Variants in LBH observed in about 807,000 individuals in gnomAD.
LBH encodes the protein LBH regulator of Wnt signaling pathway, also known as protein LBH.
Under a neutral mutation model 12.5 loss-of-function variants are expected in LBH, and 7 were observed. The observed-to-expected ratio is 0.56, with a 90% CI of 0.32 to 1.05. The LOEUF is 1.05. LBH is among the 50% of genes least tolerant of loss of function. The probability of loss-of-function intolerance (pLI) is 0.04; values close to 1 mark genes in which losing one functional copy is unlikely to be tolerated. For synonymous variants in LBH, 51 were observed against 50.1 expected, an observed-to-expected ratio of 1.02 and a Z score of -0.08; for missense variants, 119 against 138.9, an observed-to-expected ratio of 0.86 and a Z score of 0.72.
At chr2:30,251,908 T>C (rs1239528188) in intron 2 of LBH, among the ~76,000 whole-genome samples, 21 of 152,170 alleles carry the variant, frequency 1.4e-4, no homozygotes, top group Admixed American at 1.4e-3. Context: ...CAGCAGAGGC[T>C]GTTGGAGCAG....
At chr2:30,254,413 A>C (rs987384298) in intron 2 of LBH, among the ~76,000 whole-genome samples, 5 of 152,166 alleles carry the variant, frequency 3.3e-5, no homozygotes, top group Admixed American at 1.3e-4. Context: ...AGAAAAGCAA[A>C]ACTGTGGATA....
Position 30,253,125 on chromosome 2 carries a change from G to T in LBH, c.130-4308G>T, listed in dbSNP as rs558661298. On this transcript the variant is annotated intron_variant, in intron 2 of 2. Transcript: ENST00000395323. ...CCCCTACCTGTCATGTGCTTGGCAAGTCTGACTCAAGTCCTTTTTTCCACT... is the reference window on the plus strand; with the variant it reads ...CCCCTACCTGTCATGTGCTTGGCAATTCTGACTCAAGTCCTTTTTTCCACT... 1.9e-4 allele frequency among the ~76,000 whole-genome samples: 29 copies of T among 152,312 alleles called. 1 individual carries two copies. Among genetic ancestry groups the T allele is most frequent in the Admixed American group, 1.6e-3 (25 of 15,306 alleles).
chr2:30,245,121 TA>T (rs1677850064), intron 2 of LBH, among the ~76,000 whole-genome samples: 1 of 152,146 alleles, frequency 6.6e-6, no homozygotes, highest in Non-Finnish European at 1.5e-5. Context: ...AGCTAATGAC[TA>T]AAAACTTTCA....
intron 2 of LBH, among the ~76,000 whole-genome samples, chr2:30,247,602 C>T (rs571295690): frequency 7.9e-4 from 120 of 152,280 alleles, no homozygotes; most frequent in African/African-American, 2.5e-3. Flanking sequence ...GTGGCATGAG[C>T]GGCTAGTTCA....
At chr2:30,253,417 G>A (rs1301569070) in intron 2 of LBH, among the ~76,000 whole-genome samples, 1 of 152,106 alleles carries the variant, frequency 6.6e-6, no homozygotes, top group African/African-American at 2.4e-5. Flanking sequence ...GGTATAATCT[G>A]ATAATAAAAT....
At chr2:30,252,009 G>A (rs1677987951) in intron 2 of LBH, among the ~76,000 whole-genome samples, 1 of 152,184 alleles carries the variant, frequency 6.6e-6, no homozygotes, top group East Asian at 1.9e-4. Flanking sequence ...GAGATTCATG[G>A]TGTGTGTAAA....
At chr2:30,244,782 C>T (rs1311851179) in intron 2 of LBH, among the ~76,000 whole-genome samples, 2 of 152,060 alleles carry the variant, frequency 1.3e-5, no homozygotes, top group Non-Finnish European at 2.9e-5. Flanking sequence ...GGTGTGCACC[C>T]GTAGTCCCAG....
At chr2:30,237,684 C>T (rs1306123417) in intron 2 of LBH, among the ~76,000 whole-genome samples, 5 of 152,204 alleles carry the variant, frequency 3.3e-5, no homozygotes, top group Admixed American at 6.5e-5. Context: ...TTTTAATCCC[C>T]TGAAAGATTC....
intron 1 of LBH, chr2:30,232,272 AC>A: frequency 6.7e-7 from 1 of 1,500,500 alleles, no homozygotes; most frequent in Non-Finnish European, 8.9e-7. Flanking sequence ...CCCACACGTA[AC>A]CCCACTAAAG....
Position 30,257,567 on chromosome 2 carries a change from G to A in LBH, c.264G>A (p.Gln88=). 1 of 1,614,144 alleles carries A rather than the reference G, an allele frequency of 6.2e-7. No individual in the cohort carries two copies. The highest frequency in any genetic ancestry group is 8.5e-7 in the Non-Finnish European group (1 of 1,180,020). ...GGCCCCCTGAGGAGTTCCTGGTCCA[G>A]GAGGATGAGCAAGATAACTGCGAAG... ...LRWPPEEFLV[Q]EDEQDNCEET... is the part of the protein sequence containing the mutation. Residue 88 remains glutamine, a synonymous_variant, in exon 3 of 3, where the codon CAG becomes CAA. Coordinates refer to ENST00000395323, the MANE Select transcript of LBH (RefSeq NM_030915.4).
chr2:30,232,127 T>G (rs779911704), intron 1 of LBH: 73 of 1,544,574 alleles, frequency 4.7e-5, no homozygotes, highest in Admixed American at 5.9e-5. Flanking sequence ...GGGCTCCTGC[T>G]CTTCCCGGGC....
intron 2 of LBH, among the ~76,000 whole-genome samples, chr2:30,240,319 G>A (rs978397251): frequency 6.6e-6 from 1 of 152,220 alleles, no homozygotes; most frequent in Non-Finnish European, 1.5e-5. Flanking sequence ...GGATGGTACT[G>A]TTAGGGAAAG....
In LBH at chr2:30,252,676, C is replaced by T. The variant is rs534261806; in HGVS notation, c.130-4757C>T. Among the ~76,000 whole-genome samples the T allele has an allele frequency of 5.2e-4, 79 of 151,586 alleles. 2 individuals are homozygous for T. The highest frequency in any genetic ancestry group is 8.8e-4 in the Non-Finnish European group (60 of 67,812). On this transcript the variant is annotated intron_variant, in intron 2 of 2. Transcript: ENST00000395323. ...GACTCCGTCTCAAAAAAAAAAAAAA[C>T]CTCTTTCCTTTATAAATTACCCAGT...
chr2:30,240,789 G>A (rs968455255), intron 2 of LBH, among the ~76,000 whole-genome samples: 9 of 152,196 alleles, frequency 5.9e-5, no homozygotes, highest in Non-Finnish European at 1.3e-4. Flanking sequence ...CCCACCGGCA[G>A]TAGCTTATTT....
intron 2 of LBH, among the ~76,000 whole-genome samples, chr2:30,240,021 G>C (rs953338798): frequency 1.3e-5 from 2 of 152,138 alleles, no homozygotes; most frequent in Non-Finnish European, 2.9e-5. Flanking sequence ...CATACATCCC[G>C]GCCTCCTCTC....
chr2:30,244,138 G>A (rs1164988533), intron 2 of LBH, among the ~76,000 whole-genome samples: 1 of 152,182 alleles, frequency 6.6e-6, no homozygotes, highest in Non-Finnish European at 1.5e-5. Flanking sequence ...GATGATGAAG[G>A]TGATATCACA....
chr2:30,256,219 C>G (rs1177564173), intron 2 of LBH, among the ~76,000 whole-genome samples: 1 of 152,186 alleles, frequency 6.6e-6, no homozygotes, highest in Non-Finnish European at 1.5e-5. Flanking sequence ...GATTTTATAG[C>G]TGGGTTTGGA....
At chr2:30,252,256 G>T (rs535401106) in intron 2 of LBH, among the ~76,000 whole-genome samples, 2 of 152,138 alleles carry the variant, frequency 1.3e-5, no homozygotes, top group Non-Finnish European at 2.9e-5. Context: ...CCTTTGCTCG[G>T]CACTTCTCTC....
chr2:30,249,832 C>T (rs1003817941), intron 2 of LBH, among the ~76,000 whole-genome samples: 7 of 152,184 alleles, frequency 4.6e-5, no homozygotes, highest in African/African-American at 1.4e-4. Context: ...TCACACATAC[C>T]TGTGTTTGAT....
Sources: allele counts gnomAD v4.1 joint callset (sites outside exome capture counted in the v4.1 genomes callset), GRCh38; gene constraint gnomAD v4.1.1; transcripts MANE v1.5; gene names NCBI Gene and HGNC (gene_info 2026-07-23, HGNC 2026-07-21).